IFT25: variants seen among roughly 807,000 people sequenced by gnomAD.
IFT25 encodes the protein intraflagellar transport 25.
At chr1:53,936,698 C>A in the IFT25 span, among the ~76,000 whole-genome samples, 1 of 151,912 alleles carries the variant, frequency 6.6e-6, no homozygotes, top group Non-Finnish European at 1.5e-5. Flanking sequence ...ATTCACTTAC[C>A]CAGGAATTTT....
At chr1:53,915,871 T>C in the IFT25 span, among the ~76,000 whole-genome samples, 1 of 152,140 alleles carries the variant, frequency 6.6e-6, no homozygotes, top group African/African-American at 2.4e-5. Context: ...AGGATGCCAG[T>C]TGAGGACAAA....
chr1:53,943,337 T>C, the IFT25 span, among the ~76,000 whole-genome samples: 2 of 152,300 alleles, frequency 1.3e-5, no homozygotes, highest in Admixed American at 1.3e-4. Flanking sequence ...AGATTGGGAA[T>C]AGATAATGAA....
the IFT25 span, among the ~76,000 whole-genome samples, chr1:53,942,510 T>C: frequency 1.2e-3 from 181 of 152,362 alleles, 1 homozygote; most frequent in African/African-American, 4.1e-3. Context: ...GCTGAGTCAC[T>C]GTGAAAGACC....
At chr1:53,941,629 A>C in the IFT25 span, among the ~76,000 whole-genome samples, 1 of 152,212 alleles carries the variant, frequency 6.6e-6, no homozygotes, top group Non-Finnish European at 1.5e-5. Flanking sequence ...GTCAAGCCTT[A>C]GTTTTAAGAG....
chr1:53,913,099 A>G, the IFT25 span, among the ~76,000 whole-genome samples: 1 of 152,224 alleles, frequency 6.6e-6, no homozygotes, highest in Non-Finnish European at 1.5e-5. Flanking sequence ...GACAGGAGCT[A>G]TCTTACCCAG....
At chr1:53,921,785 C>A in the IFT25 span, 2 of 1,495,744 alleles carry the variant, frequency 1.3e-6, no homozygotes, top group Middle Eastern at 1.7e-4. Context: ...GGAAAAAAAT[C>A]AATATAAATG....
chr1:53,933,167 ACT>A, the IFT25 span, among the ~76,000 whole-genome samples: 1 of 125,080 alleles, frequency 8.0e-6, no homozygotes, highest in African/African-American at 3.2e-5. Flanking sequence ...GCGGAGTCTC[ACT>A]CTGTCGCCCA....
the IFT25 span, among the ~76,000 whole-genome samples, chr1:53,944,757 C>T: frequency 6.6e-6 from 1 of 152,148 alleles, no homozygotes; most frequent in African/African-American, 2.4e-5. Flanking sequence ...GGGTGCTATC[C>T]TTTCCATTTT....
the IFT25 span, chr1:53,939,978 C>G: frequency 6.6e-7 from 1 of 1,513,246 alleles, no homozygotes; most frequent in African/African-American, 1.4e-5. Flanking sequence ...AGTATAGTAA[C>G]TCTTACCCAT....
At chr1:53,926,035 G>GTTC in the IFT25 span, among the ~76,000 whole-genome samples, 2 of 141,626 alleles carry the variant, frequency 1.4e-5, no homozygotes, top group African/African-American at 5.3e-5. Flanking sequence ...CTGGGAAGCG[G>GTTC]AAGTTGCAGT....
the IFT25 span, among the ~76,000 whole-genome samples, chr1:53,942,912 C>G: frequency 0.28 from 41,999 of 152,078 alleles, 10,241 homozygotes; most frequent in African/African-American, 0.67. Context: ...GTTCTGGGTA[C>G]TACGTTTTAA....
the IFT25 span, among the ~76,000 whole-genome samples, chr1:53,942,125 T>C: frequency 6.6e-6 from 1 of 152,288 alleles, no homozygotes; most frequent in Non-Finnish European, 1.5e-5. Flanking sequence ...GCTGATATGC[T>C]AGGTGACAGA....
chr1:53,935,053 C>T, the IFT25 span, among the ~76,000 whole-genome samples: 65 of 152,264 alleles, frequency 4.3e-4, no homozygotes, highest in Middle Eastern at 6.8e-3. Flanking sequence ...TTGTGGCTTA[C>T]GCCTGTAATC....
At chr1:53,929,588 T>C in the IFT25 span, 1 of 152,810 alleles carries the variant, frequency 6.5e-6, no homozygotes. Context: ...CCACTAGTAA[T>C]AGAAGAATCT....
At chr1:53,938,409 G>T in the IFT25 span, among the ~76,000 whole-genome samples, 1 of 152,090 alleles carries the variant, frequency 6.6e-6, no homozygotes, top group Admixed American at 6.6e-5. Flanking sequence ...GGTAACAGAG[G>T]TATATACCAA....
At chr1:53,930,067 A>G in the IFT25 span, 1 of 1,573,052 alleles carries the variant, frequency 6.4e-7, no homozygotes, top group Non-Finnish European at 8.6e-7. Context: ...CAAGCCTTTC[A>G]ATCCTTACAT....
the IFT25 span, among the ~76,000 whole-genome samples, chr1:53,918,127 C>T: frequency 2.0e-5 from 3 of 152,310 alleles, no homozygotes; most frequent in African/African-American, 2.4e-5. Flanking sequence ...TCTTACTCCT[C>T]CTACATACCC....
chr1:53,913,142 T>C, the IFT25 span, among the ~76,000 whole-genome samples: 2 of 152,204 alleles, frequency 1.3e-5, no homozygotes, highest in South Asian at 4.1e-4. Flanking sequence ...TTCACCTGAG[T>C]GTGGCCCACA....
the IFT25 span, chr1:53,930,000 C>CAA: frequency 1.3e-3 from 1,776 of 1,398,940 alleles, no homozygotes; most frequent in South Asian, 3.2e-3. Context: ...CCTGGAGCAC[C>CAA]AAAAAAAAAA....
Sources: gnomAD v4.1 joint callset for allele counts (sites outside exome capture counted in the v4.1 genomes callset) on GRCh38, gnomAD v4.1.1 for gene constraint, MANE v1.5 for transcripts, NCBI Gene and HGNC (gene_info 2026-07-23, HGNC 2026-07-21) for gene names.